ANKRD55: variants seen among roughly 807,000 people sequenced by gnomAD.
The protein encoded by ANKRD55 is ankyrin repeat domain-containing protein 55.
A neutral mutation model predicts 60.6 loss-of-function variants in ANKRD55; 41 were observed. That is an observed-to-expected ratio of 0.68 (90% CI 0.53 to 0.88). The LOEUF is 0.88. ANKRD55 is among the 40% of genes least tolerant of loss of function. The pLI is 0.00. For synonymous variants in ANKRD55, 264 were observed against 290.3 expected (o/e 0.91, Z 0.92); for missense variants, 732 against 767.6 (o/e 0.95, Z 0.55).
At chr5:56,152,994 T>C (rs1164185943) in intron 6 of ANKRD55, among the ~76,000 whole-genome samples, 2 of 152,160 alleles carry the variant, frequency 1.3e-5, no homozygotes, top group African/African-American at 2.4e-5. Flanking sequence ...CTATGAACTA[T>C]TTCAAAATAG....
intron 4 of ANKRD55, among the ~76,000 whole-genome samples, chr5:56,173,669 C>T (rs1416185861): frequency 6.7e-6 from 1 of 149,064 alleles, no homozygotes; most frequent in African/African-American, 2.5e-5. Context: ...CTCAGCCTCC[C>T]GAGTACCTGG....
chr5:56,210,428 G>A (rs1405946693), intron 2 of ANKRD55, among the ~76,000 whole-genome samples: 1 of 151,898 alleles, frequency 6.6e-6, no homozygotes, highest in Non-Finnish European at 1.5e-5. Context: ...CGGGTGCGGT[G>A]GCGGGCGCCT....
intron 7 of ANKRD55, among the ~76,000 whole-genome samples, chr5:56,141,129 A>AGTTT (rs1491158161): frequency 8.5e-5 from 6 of 70,186 alleles, no homozygotes; most frequent in African/African-American, 1.1e-4. Flanking sequence ...ATGCACACAC[A>AGTTT]GTTTTTTTTT....
chr5:56,127,328 C>T lies in ANKRD55; in HGVS notation c.613-222G>A, dbSNP rs1757295642. The T allele has an allele frequency of 4.1e-6, 4 of 984,970 alleles. No homozygotes were observed. In the South Asian group the frequency reaches 1.4e-4, roughly 35 times the overall value. 61.0% of individuals were successfully genotyped at this position (984,970 alleles called of 1,614,324 possible). A position where few individuals can be genotyped will look rare whatever the true frequency, so the allele number is the denominator to read the frequency against. On this transcript the variant is annotated intron_variant, in intron 7 of 11. Coordinates refer to ENST00000341048, the MANE Select transcript of ANKRD55 (RefSeq NM_024669.3). Reference sequence around the variant, plus strand: ...AAGTCACTGCAGAGATTTTTGTCTCCCACAGGAGCTAAATTGTCTTCCATA... The same window carrying T: ...AAGTCACTGCAGAGATTTTTGTCTCTCACAGGAGCTAAATTGTCTTCCATA...
intron 6 of ANKRD55, among the ~76,000 whole-genome samples, chr5:56,152,485 G>A (rs1274958303): frequency 6.6e-6 from 1 of 152,100 alleles, no homozygotes; most frequent in East Asian, 1.9e-4. Flanking sequence ...TGCATTCAAA[G>A]TTCTAACCCA....
intron 2 of ANKRD55, among the ~76,000 whole-genome samples, chr5:56,220,033 C>T (rs112774596): frequency 1.1e-3 from 161 of 152,264 alleles, no homozygotes; most frequent in Middle Eastern, 6.8e-3. Context: ...CCTGCTGCAC[C>T]GGAGGCTGAG....
At chr5:56,109,078 CA>C (rs1349515841) in intron 10 of ANKRD55, among the ~76,000 whole-genome samples, 62 of 148,198 alleles carry the variant, frequency 4.2e-4, no homozygotes, top group African/African-American at 1.5e-3. Context: ...CACACACACA[CA>C]CCCCACCGCC....
At chr5:56,146,525 C>A (rs1056081990) in intron 6 of ANKRD55, among the ~76,000 whole-genome samples, 1 of 152,068 alleles carries the variant, frequency 6.6e-6, no homozygotes, top group Non-Finnish European at 1.5e-5. Flanking sequence ...CCTTAGCAGC[C>A]CACCTCAGCC....
At chr5:56,175,927 A>G (rs1758726487) in intron 4 of ANKRD55, among the ~76,000 whole-genome samples, 1 of 152,136 alleles carries the variant, frequency 6.6e-6, no homozygotes, top group Non-Finnish European at 1.5e-5. Context: ...TGGCCATATC[A>G]CCTCTATCTT....
At chr5:56,222,135 T>C (rs554357118) in intron 2 of ANKRD55, among the ~76,000 whole-genome samples, 4 of 152,162 alleles carry the variant, frequency 2.6e-5, no homozygotes, top group Non-Finnish European at 4.4e-5. Context: ...CAGGTGCCTC[T>C]CTGAGACTAA....
chr5:56,126,919 T>C lies in ANKRD55; in HGVS notation c.797+3A>G. On this transcript the variant is annotated splice_donor_region_variant and intron_variant, in intron 8 of 11. Transcript: ENST00000341048. ...CCCAGCACTTTCTGGTTACCATGGATACCTGTCATCCACATCCAGAGCCTG... is the reference window on the plus strand; with the variant it reads ...CCCAGCACTTTCTGGTTACCATGGACACCTGTCATCCACATCCAGAGCCTG... 1.3e-6 allele frequency: 2 copies of C among 1,596,520 alleles called. No individual in the cohort carries two copies. Among genetic ancestry groups the C allele is most frequent in the Non-Finnish European group, 1.7e-6 (2 of 1,170,368 alleles).
rs1428649118 is a variant in ANKRD55, at chr5:56,135,272, C to CCTTCTT, written c.613-8167_613-8166insAAGAAG. On this transcript the variant is annotated intron_variant, in intron 7 of 11. Coordinates refer to ENST00000341048, the MANE Select transcript of ANKRD55 (RefSeq NM_024669.3). Reference sequence around the variant, plus strand: ...CTTCCTTCCTTCCTTCTTTCCCTCCCTCCCTCCCTGCCTGCCTGCTTGCTT... The same window carrying CCTTCTT: ...CTTCCTTCCTTCCTTCTTTCCCTCCCCTTCTTTCCCTCCCTGCCTGCCTGCTTGCTT... Among the ~76,000 whole-genome samples, 843 of 104,122 alleles carry CCTTCTT rather than the reference C, an allele frequency of 8.1e-3. 22 individuals carry two copies. Among genetic ancestry groups the CCTTCTT allele is most frequent in the Middle Eastern group, 9.6e-3 (2 of 208 alleles). The allele number at this position is 104,122 out of a possible 152,430, so 68.3% of individuals were successfully genotyped here. A position where few individuals can be genotyped will look rare whatever the true frequency, so the allele number is the denominator to read the frequency against.
chr5:56,117,094 C>A (rs76518949), intron 8 of ANKRD55: 6,439 of 201,222 alleles, frequency 0.032, 163 homozygotes, highest in Admixed American at 0.051. Flanking sequence ...GCCAAACTGC[C>A]TTCCGGAAGA....
intron 8 of ANKRD55, among the ~76,000 whole-genome samples, chr5:56,121,801 T>C (rs1757073085): frequency 6.6e-6 from 1 of 152,222 alleles, no homozygotes. Context: ...GGTACTTTTG[T>C]GATACTGCTT....
At chr5:56,116,240 G>A (rs1161429637) in intron 9 of ANKRD55, among the ~76,000 whole-genome samples, 1 of 152,136 alleles carries the variant, frequency 6.6e-6, no homozygotes, top group Non-Finnish European at 1.5e-5. Flanking sequence ...AATAATTTTT[G>A]AGAGTGTAAA....
intron 7 of ANKRD55, among the ~76,000 whole-genome samples, chr5:56,130,038 G>C (rs746268004): frequency 1.4e-4 from 22 of 152,178 alleles, no homozygotes; most frequent in Non-Finnish European, 2.8e-4. Context: ...TAATATCCCT[G>C]GCTTAGAATC....
chr5:56,166,199 T>TTCCTTCCTTCCC (rs769664867), intron 5 of ANKRD55, among the ~76,000 whole-genome samples: 2 of 96,062 alleles, frequency 2.1e-5, no homozygotes. Flanking sequence ...CCTTCCTTCC[T>TTCCTTCCTTCCC]TCTCTCTCTC....
chr5:56,229,705 T>A (rs973938171), intron 2 of ANKRD55, among the ~76,000 whole-genome samples: 1 of 152,144 alleles, frequency 6.6e-6, no homozygotes, highest in African/African-American at 2.4e-5. Flanking sequence ...ACCCACCTCG[T>A]TGGAGCCCTG....
chr5:56,126,033 T>C (rs1000077814), intron 8 of ANKRD55, among the ~76,000 whole-genome samples: 3 of 151,430 alleles, frequency 2.0e-5, no homozygotes, highest in African/African-American at 7.3e-5. Flanking sequence ...ACTTGGGAGG[T>C]TGAGGCAAGG....
Sources: gnomAD v4.1 joint callset for allele counts (sites outside exome capture counted in the v4.1 genomes callset) on GRCh38, gnomAD v4.1.1 for gene constraint, MANE v1.5 for transcripts, NCBI Gene and HGNC (gene_info 2026-07-23, HGNC 2026-07-21) for gene names.